Variants in RTN4IP1 observed in about 807,000 individuals in gnomAD.
The protein encoded by RTN4IP1 is reticulon 4 interacting protein 1.
Under a neutral mutation model 46.6 loss-of-function variants are expected in RTN4IP1, and 32 were observed. The observed-to-expected ratio is 0.69, with a 90% confidence interval of 0.52 to 0.92. RTN4IP1 has a LOEUF of 0.92. RTN4IP1 is among the 40% of genes least tolerant of loss of function. The pLI is 0.00. For missense variants in RTN4IP1, 424 were observed against 485.8 expected, an observed-to-expected ratio of 0.87 and a Z score of 1.20; for synonymous variants, 167 against 161.8, an observed-to-expected ratio of 1.03 and a Z score of -0.24.
chr6:106,620,153 A>C (rs1776452351), intron 3 of RTN4IP1, among the ~76,000 whole-genome samples: 1 of 151,786 alleles, frequency 6.6e-6, no homozygotes, highest in Non-Finnish European at 1.5e-5. Flanking sequence ...CAGTGATGCA[A>C]TCTCAGCTCA....
chr6:106,587,605 ACTGG>A, intron 7 of RTN4IP1, 70 bp downstream of exon 7: 5 of 1,392,744 alleles, frequency 3.6e-6, no homozygotes, highest in Non-Finnish European at 4.0e-6. Flanking sequence ...GAGAAGAGAA[ACTGG>A]CTAGGTGGGA....
intron 4 of RTN4IP1, among the ~76,000 whole-genome samples, chr6:106,618,488 C>T (rs918489847): frequency 7.2e-5 from 11 of 152,208 alleles, no homozygotes; most frequent in Admixed American, 4.6e-4. Flanking sequence ...GTGCCTCCCA[C>T]GTGCCATAAA....
intron 6 of RTN4IP1, among the ~76,000 whole-genome samples, chr6:106,589,358 C>T (rs546804843): frequency 2.0e-5 from 3 of 149,930 alleles, no homozygotes; most frequent in Non-Finnish European, 4.4e-5. Context: ...AGAAAAAAGG[C>T]AATTAAAATC....
intron 1 of RTN4IP1, among the ~76,000 whole-genome samples, chr6:106,627,364 G>A (rs1481360373): frequency 6.6e-5 from 10 of 152,080 alleles, no homozygotes; most frequent in African/African-American, 1.7e-4. Context: ...AGACCTAAAC[G>A]AAGACAAAAT....
chr6:106,621,628 GTTAT>G, intron 2 of RTN4IP1, 135 bp from the exon 3 acceptor site: 2 of 640,202 alleles, frequency 3.1e-6, no homozygotes, highest in Non-Finnish European at 5.5e-6. Context: ...AAGCAGGAGT[GTTAT>G]TTTCATGATA....
At chr6:106,589,151 GAGGA>G in intron 6 of RTN4IP1, among the ~76,000 whole-genome samples, 1 of 87,688 alleles carries the variant, frequency 1.1e-5, no homozygotes, top group Admixed American at 1.4e-4. Flanking sequence ...GGAAGAGGAA[GAGGA>G]AGGAGGAGGA....
At position 106,621,509 on chromosome 6, in the gene RTN4IP1, A is replaced by T; in HGVS notation, c.427-16T>A. 6.2e-7 allele frequency: 1 copy of T among 1,609,520 alleles called. No homozygotes were observed. The highest frequency in any genetic ancestry group is 8.5e-7 in the Non-Finnish European group (1 of 1,175,998). ...CAGCCCAGACCTGAAACACACACAG[A>T]CAGACAGCTTCATTAGAAACACAGA... On this transcript the variant is annotated splice_polypyrimidine_tract_variant and intron_variant, in intron 2 of 8. Transcript: ENST00000369063.
chr6:106,594,563 C>A (rs968817442), intron 5 of RTN4IP1, among the ~76,000 whole-genome samples: 1 of 151,948 alleles, frequency 6.6e-6, no homozygotes, highest in Non-Finnish European at 1.5e-5. Context: ...ATAGGGTGAA[C>A]ACCACCCAGA....
chr6:106,610,358 C>CCGG (rs1309465633), intron 4 of RTN4IP1, among the ~76,000 whole-genome samples: 2 of 152,160 alleles, frequency 1.3e-5, no homozygotes, highest in Non-Finnish European at 2.9e-5. Flanking sequence ...GCCACCGCAC[C>CCGG]CGGCGGCAAA....
chr6:106,603,018 A>G (rs1019175452), intron 4 of RTN4IP1, 96 bp from the exon 5 acceptor site: 45 of 815,200 alleles, frequency 5.5e-5, no homozygotes, highest in African/African-American at 8.9e-5. Context: ...TAAGATGATA[A>G]ATAATTCTAA....
chr6:106,606,013 A>C (rs1304054207), intron 4 of RTN4IP1, among the ~76,000 whole-genome samples: 5 of 152,190 alleles, frequency 3.3e-5, no homozygotes, highest in Non-Finnish European at 7.3e-5. Flanking sequence ...AGAGGATGTC[A>C]AATTGTCCCT....
At chr6:106,620,902 C>T (rs1304412011) in intron 3 of RTN4IP1, among the ~76,000 whole-genome samples, 1 of 152,122 alleles carries the variant, frequency 6.6e-6, no homozygotes, top group Non-Finnish European at 1.5e-5. Context: ...GTTTCCTTTA[C>T]TCTCATTTTC....
At chr6:106,597,535 G>C (rs1475600235) in intron 5 of RTN4IP1, among the ~76,000 whole-genome samples, 1 of 151,910 alleles carries the variant, frequency 6.6e-6, no homozygotes, top group Admixed American at 6.6e-5. Flanking sequence ...GTAGAGACGA[G>C]GTTTTGCCAT....
intron 1 of RTN4IP1, among the ~76,000 whole-genome samples, chr6:106,626,777 T>C (rs983974216): frequency 2.6e-5 from 4 of 152,330 alleles, no homozygotes; most frequent in Admixed American, 2.6e-4. Flanking sequence ...CACCTTGACT[T>C]GTTCAGAGAG....
At position 106,619,320 on chromosome 6, in the gene RTN4IP1, G is replaced by C; in HGVS notation, c.502C>G (p.His168Asp). The change falls in exon 4 of 9, where the codon CAC becomes GAC. Residue 168 changes from histidine (H) to aspartate (D), a missense_variant. His to Asp is a moderately conservative substitution (Grantham distance 81). Transcript: ENST00000369063. Reference protein sequence around the residue: ...FVVVSGNEVSHKPKSLTHTQA... With the variant: ...FVVVSGNEVSDKPKSLTHTQA... Reference sequence around the variant, plus strand: ...GTATGAGTGAGTGATTTGGGTTTGTGAGAGACCTACATTTGAAGACAACAG... The same window carrying C: ...GTATGAGTGAGTGATTTGGGTTTGTCAGAGACCTACATTTGAAGACAACAG... The C allele has an allele frequency of 1.2e-6, 2 of 1,614,086 alleles. No homozygotes were observed. The highest frequency in any genetic ancestry group is 2.7e-5 in the African/African-American group (2 of 75,046).
intron 4 of RTN4IP1, among the ~76,000 whole-genome samples, chr6:106,618,941 A>G (rs574343762): frequency 6.6e-6 from 1 of 152,286 alleles, no homozygotes; most frequent in African/African-American, 2.4e-5. Context: ...ATTATTTTAG[A>G]AGGTTCTGAC....
intron 5 of RTN4IP1, among the ~76,000 whole-genome samples, chr6:106,594,778 CTTTT>C (rs749920749): frequency 1.3e-5 from 2 of 151,936 alleles, no homozygotes; most frequent in Admixed American, 6.6e-5. Context: ...TTTTAAATCT[CTTTT>C]TTTATTATTT....
chr6:106,592,376 A>C lies in RTN4IP1; in HGVS notation c.670-76T>G, dbSNP rs1385026135. On this transcript the variant is annotated intron_variant, in intron 5 of 8. Transcript: ENST00000369063. The stretch of plus-strand genomic sequence containing the variant: ...AACTGACTGCATTGAAAAAAAAATC[A>C]TTGGCACCATGTATACATATATCAG... 5.5e-6 allele frequency: 8 copies of C among 1,449,838 alleles called. No individual in the cohort carries two copies. In the South Asian group the frequency reaches 7.6e-5, roughly 14 times the overall value. The allele number at this position is 1,449,838 out of a possible 1,614,324, so 89.8% of individuals were successfully genotyped here.
At chr6:106,584,198 C>T (rs1296985093) in intron 7 of RTN4IP1, among the ~76,000 whole-genome samples, 1 of 152,212 alleles carries the variant, frequency 6.6e-6, no homozygotes, top group Non-Finnish European at 1.5e-5. Context: ...CTCAGCCTCC[C>T]AAAGTGCTAG....
Sources: allele counts gnomAD v4.1 joint callset (sites outside exome capture counted in the v4.1 genomes callset), GRCh38; gene constraint gnomAD v4.1.1; transcripts MANE v1.5; gene names NCBI Gene and HGNC (gene_info 2026-07-23, HGNC 2026-07-21).